Variants in SYCP1 observed in about 807,000 individuals in gnomAD.
SYCP1 encodes synaptonemal complex protein 1, also known as cancer/testis antigen 8.
Under a neutral mutation model 153.1 loss-of-function variants are expected in SYCP1, and 64 were observed. That is an observed-to-expected ratio of 0.42 (90% CI 0.34 to 0.51). The LOEUF (loss-of-function observed/expected upper bound fraction) is 0.51, where lower values mean the gene tolerates loss of function less well. Among genes scored for constraint, SYCP1 ranks in the 20% least tolerant of loss-of-function variants. The pLI, the probability that SYCP1 is intolerant of heterozygous loss-of-function variation, is 0.06. For synonymous variants in SYCP1, 384 were observed against 341.8 expected (o/e 1.12, Z -1.36); for missense variants, 997 against 1,049.0 (o/e 0.95, Z 0.68).
At chr1:114,983,418 C>T (rs1410593128) in intron 29 of SYCP1, among the ~76,000 whole-genome samples, 1 of 151,966 alleles carries the variant, frequency 6.6e-6, no homozygotes, top group Non-Finnish European at 1.5e-5. Context: ...TTCACACACA[C>T]ACCAAGGAGA....
chr1:114,915,093 A>C (rs1417881454), intron 20 of SYCP1, among the ~76,000 whole-genome samples: 2 of 152,124 alleles, frequency 1.3e-5, no homozygotes, highest in East Asian at 1.9e-4. Context: ...AACTAAAAAA[A>C]AAACAAACTA....
chr1:114,885,974 T>G, intron 13 of SYCP1, 151 bp from the exon 14 acceptor site: 2 of 521,746 alleles, frequency 3.8e-6, no homozygotes, highest in Admixed American at 3.9e-5. Flanking sequence ...GAAATAAGAG[T>G]AGTGGGTGGG....
chr1:114,983,578 G>A (rs533923055), intron 29 of SYCP1, among the ~76,000 whole-genome samples: 2 of 152,008 alleles, frequency 1.3e-5, no homozygotes, highest in African/African-American at 2.4e-5. Flanking sequence ...GTTCTGTTCT[G>A]TTCTGTCTGG....
At chr1:114,884,373 A>G (rs1666159136) in intron 12 of SYCP1, among the ~76,000 whole-genome samples, 1 of 152,168 alleles carries the variant, frequency 6.6e-6, no homozygotes. Context: ...TACCTTTGCT[A>G]ATTTAATTCT....
At chr1:114,917,542 T>C (rs536440272) in intron 20 of SYCP1, among the ~76,000 whole-genome samples, 1 of 152,202 alleles carries the variant, frequency 6.6e-6, no homozygotes, top group African/African-American at 2.4e-5. Flanking sequence ...AGCTCTATTT[T>C]TGAGGAACCT....
chr1:114,919,770 T>G (rs1243776958), intron 20 of SYCP1, among the ~76,000 whole-genome samples: 1 of 152,084 alleles, frequency 6.6e-6, no homozygotes, highest in Non-Finnish European at 1.5e-5. Flanking sequence ...GTTCTAGGTT[T>G]TCCAATTTAT....
At chr1:114,856,708 C>A in intron 3 of SYCP1, 51 bp downstream of exon 3, 1 of 1,312,502 alleles carries the variant, frequency 7.6e-7, no homozygotes, top group Non-Finnish European at 1.1e-6. Context: ...CATTGTGTTA[C>A]ATACATCGAT....
At chr1:114,909,458 C>T (rs926155592) in intron 16 of SYCP1, among the ~76,000 whole-genome samples, 3 of 148,192 alleles carry the variant, frequency 2.0e-5, no homozygotes, top group African/African-American at 5.0e-5. Flanking sequence ...CCCGCCCTCC[C>T]TCCCTCCTTC....
intron 31 of SYCP1, 45 bp downstream of exon 31, chr1:114,994,832 A>G (rs1343393416): frequency 2.5e-6 from 4 of 1,573,660 alleles, no homozygotes; most frequent in Non-Finnish European, 3.4e-6. Context: ...TAAAAGCTGC[A>G]CTTAAAAAAT....
Position 114,890,335 on chromosome 1 carries a change from A to T in SYCP1, c.1258+2642A>T, listed in dbSNP as rs186736230. Among the ~76,000 whole-genome samples the T allele has an allele frequency of 5.7e-3, 867 of 151,676 alleles. 2 individuals carry two copies. The highest frequency in any genetic ancestry group is 0.012 in the Admixed American group (190 of 15,240). On this transcript the variant is annotated intron_variant, in intron 15 of 31. Transcript: ENST00000369522. ...TATTTTTATGTTTTAAATATGTTTT[A>T]TAATGAACACTGTAATACATATTTA... is the stretch of plus-strand genomic sequence containing the variant.
chr1:114,927,116 A>G (rs1048653879), intron 23 of SYCP1, among the ~76,000 whole-genome samples: 7 of 152,016 alleles, frequency 4.6e-5, no homozygotes, highest in African/African-American at 1.4e-4. Flanking sequence ...CATTGTATTA[A>G]TTATGTGCTT....
chr1:114,960,448 G>A (rs575579878), intron 27 of SYCP1, among the ~76,000 whole-genome samples: 5 of 152,262 alleles, frequency 3.3e-5, no homozygotes, highest in East Asian at 3.9e-4. Flanking sequence ...GATTACGGGC[G>A]TGAGCCACCA....
chr1:114,886,267 C>T lies in SYCP1; in HGVS notation c.1148C>T (p.Thr383Ile), dbSNP rs996017689. ...HSFVVTEFETTVCSLEELLRT... is the reference protein window; with the variant it reads ...HSFVVTEFETIVCSLEELLRT... ...TTTGTGGTTACTGAATTTGAAACTA[C>T]TGTCTGCAGCTTGGAAGAATTATTG... is the stretch of plus-strand genomic sequence containing the variant. The change falls in exon 14 of 32, where the codon ACT becomes ATT. Residue 383 changes from threonine to isoleucine, a missense_variant. By Grantham distance (89) the Thr-to-Ile change is moderately conservative. This residue lies in a region of SYCP1 where 712 missense variants were observed against 682.9 expected (regional missense o/e 1.04). Transcript: ENST00000369522. 1 of 1,602,038 alleles carries T rather than the reference C, an allele frequency of 6.2e-7. No homozygotes were observed. The highest frequency in any genetic ancestry group is 8.5e-7 in the Non-Finnish European group (1 of 1,175,338).
At chr1:114,945,512 A>G (rs1011707363) in intron 25 of SYCP1, among the ~76,000 whole-genome samples, 2 of 152,022 alleles carry the variant, frequency 1.3e-5, no homozygotes, top group Non-Finnish European at 2.9e-5. Context: ...AATTAAAAAA[A>G]AAAGCTGCTG....
At chr1:114,968,742 G>A (rs1034499311) in intron 27 of SYCP1, among the ~76,000 whole-genome samples, 1 of 152,136 alleles carries the variant, frequency 6.6e-6, no homozygotes, top group African/African-American at 2.4e-5. Flanking sequence ...GTGATCCTTT[G>A]GAGGAGAAGA....
At chr1:114,879,891 T>G (rs1235189614) in intron 12 of SYCP1, among the ~76,000 whole-genome samples, 1 of 152,222 alleles carries the variant, frequency 6.6e-6, no homozygotes, top group Non-Finnish European at 1.5e-5. Context: ...TCTACTGAAT[T>G]CTTAACTTTA....
At chr1:114,890,602 G>A (rs1666641083) in intron 15 of SYCP1, among the ~76,000 whole-genome samples, 1 of 152,080 alleles carries the variant, frequency 6.6e-6, no homozygotes, top group South Asian at 2.1e-4. Context: ...AGACTTTAAG[G>A]CTTTGGATAG....
chr1:114,935,462 C>G (rs1038278122), intron 23 of SYCP1, among the ~76,000 whole-genome samples: 2 of 152,158 alleles, frequency 1.3e-5, no homozygotes, highest in Non-Finnish European at 2.9e-5. Flanking sequence ...CAGGAAAGAT[C>G]TAAAATTGAC....
chr1:114,935,139 T>C (rs376975979), intron 23 of SYCP1, among the ~76,000 whole-genome samples: 4 of 152,166 alleles, frequency 2.6e-5, no homozygotes, highest in African/African-American at 9.7e-5. Context: ...TATTCCAAAA[T>C]TGACCACATA....
Sources: gnomAD v4.1 joint callset for allele counts (sites outside exome capture counted in the v4.1 genomes callset) on GRCh38, gnomAD v4.1.1 for gene constraint, gnomAD v4.1.1 regional missense constraint, MANE v1.5 for transcripts, NCBI Gene and HGNC (gene_info 2026-07-23, HGNC 2026-07-21) for gene names.